Variants in SIN3A observed in about 807,000 individuals in gnomAD.
SIN3A encodes the protein paired amphipathic helix protein Sin3a.
A neutral mutation model predicts 146.1 loss-of-function variants in SIN3A; 14 were observed. That is an observed-to-expected ratio of 0.10 (90% CI 0.06 to 0.15). The LOEUF (loss-of-function observed/expected upper bound fraction) is 0.15, where lower values mean the gene tolerates loss of function less well. Ranked by LOEUF, SIN3A falls within the 10% of genes least tolerant of loss-of-function variation. The pLI is 1.00. For missense variants in SIN3A, 1,028 were observed against 1,576.0 expected, an observed-to-expected ratio of 0.65 and a Z score of 5.89; for synonymous variants, 572 against 572.0, an observed-to-expected ratio of 1.00 and a Z score of 0.00.
intron 6 of SIN3A, 54 bp downstream of exon 6, chr15:75,411,438 T>C (rs1461931523): frequency 4.6e-6 from 7 of 1,535,606 alleles, no homozygotes; most frequent in African/African-American, 1.4e-5. Flanking sequence ...GTTATTGGAC[T>C]AGATGCCCTA....
intron 2 of SIN3A, among the ~76,000 whole-genome samples, chr15:75,426,203 C>T (rs1312598865): frequency 6.6e-6 from 1 of 152,128 alleles, no homozygotes; most frequent in African/African-American, 2.4e-5. Flanking sequence ...GGTAAACAAG[C>T]AACTTTTTTT....
upstream of SIN3A, among the ~76,000 whole-genome samples, chr15:75,452,636 G>A (rs1244770624): frequency 6.6e-6 from 1 of 152,194 alleles, no homozygotes; most frequent in Admixed American, 6.5e-5. Context: ...CTAAGAGGGC[G>A]GAGATAACCA....
In SIN3A at chr15:75,372,027, G is replaced by A. The variant is rs202234485; in HGVS notation, c.3774C>T (p.Ser1258=). ...TCDTETLHFV[S]INKYRVKYGT... Reference sequence around the variant, plus strand: ...CGTATTTGACACGATACTTGTTAATGCTCACAAAATGCAGGGTCTCTGTAT... The same window carrying A: ...CGTATTTGACACGATACTTGTTAATACTCACAAAATGCAGGGTCTCTGTAT... The change falls in exon 21 of 21, where the codon AGC becomes AGT. Residue 1258 remains serine, a synonymous_variant. Transcript: ENST00000394947. 6.8e-6 allele frequency: 11 copies of A among 1,614,172 alleles called. No homozygotes were observed. Among genetic ancestry groups the A allele is most frequent in the Non-Finnish European group, 9.3e-6 (11 of 1,180,034 alleles).
chr15:75,384,180 C>T, intron 17 of SIN3A, 84 bp downstream of exon 17: 7 of 1,130,784 alleles, frequency 6.2e-6, no homozygotes, highest in Non-Finnish European at 7.6e-6. Flanking sequence ...GGTCAAAGTA[C>T]CCCGGCTTTA....
At chr15:75,441,768 ATCT>A (rs752653021) in intron 1 of SIN3A, among the ~76,000 whole-genome samples, 24 of 152,168 alleles carry the variant, frequency 1.6e-4, no homozygotes, top group Non-Finnish European at 3.2e-4. Context: ...GAGAACAGTC[ATCT>A]TCTTTGCTCC....
At chr15:75,410,657 A>G (rs1389686769) in intron 6 of SIN3A, among the ~76,000 whole-genome samples, 2 of 152,078 alleles carry the variant, frequency 1.3e-5, no homozygotes, top group Admixed American at 6.6e-5. Context: ...AAACCTTAGA[A>G]ATTTCTCCTC....
chr15:75,376,155 T>C, intron 19 of SIN3A: 1 of 485,394 alleles, frequency 2.1e-6, no homozygotes, highest in Non-Finnish European at 3.7e-6. Context: ...AATTTACACA[T>C]GTAATTACCA....
intron 19 of SIN3A, among the ~76,000 whole-genome samples, chr15:75,380,022 C>CTA (rs2072935611): frequency 6.6e-6 from 1 of 152,180 alleles, no homozygotes; most frequent in South Asian, 2.1e-4. Flanking sequence ...TGTACAAACT[C>CTA]TATAGCTTAT....
intron 19 of SIN3A, chr15:75,376,151 C>T: frequency 2.0e-6 from 1 of 496,306 alleles, no homozygotes; most frequent in Non-Finnish European, 3.6e-6. Context: ...TGTAAATTTA[C>T]ACATGTAATT....
In SIN3A at chr15:75,430,244, C is replaced by T. The variant is rs960649826; in HGVS notation, c.132G>A (p.Val44=). Residue 44 remains valine, a synonymous_variant, in exon 2 of 21, where the codon GTG becomes GTA. Transcript: ENST00000394947. ...CCGTAGCTGACTGCATGGTCTCAGA[C>T]ACTGCTTCATACACAGGAGGGGCAG... ...LAPAPPVYEA[V]SETMQSATGI... 6.2e-7 allele frequency: 1 copy of T among 1,614,192 alleles called. No individual in the cohort carries two copies. Among genetic ancestry groups the T allele is most frequent in the Non-Finnish European group, 8.5e-7 (1 of 1,180,052 alleles).
At chr15:75,416,350 A>T (rs117588028) in intron 3 of SIN3A, among the ~76,000 whole-genome samples, 8,614 of 152,182 alleles carry the variant, frequency 0.057, 331 homozygotes, top group Non-Finnish European at 0.087. Context: ...TTAGAGACAG[A>T]GTTTTGCTAT....
At chr15:75,405,584 C>T (rs1483207644) in intron 9 of SIN3A, among the ~76,000 whole-genome samples, 1 of 151,878 alleles carries the variant, frequency 6.6e-6, no homozygotes, top group Admixed American at 6.6e-5. Context: ...AACCCTGTCT[C>T]TACTAAAAAT....
intron 9 of SIN3A, 82 bp from the exon 10 acceptor site, chr15:75,402,052 G>C (rs2073421606): frequency 1.2e-6 from 1 of 845,288 alleles, no homozygotes; most frequent in African/African-American, 1.7e-5. Flanking sequence ...TGTCGCCCAG[G>C]AGGAGGCGCA....
In SIN3A at chr15:75,374,155, T is replaced by A. The variant is rs184621500; in HGVS notation, c.3591+1510A>T. On this transcript the variant is annotated intron_variant, in intron 20 of 20. Coordinates refer to ENST00000394947, the MANE Select transcript of SIN3A (RefSeq NM_001145358.2). ...CCATCCTTGATGTCCTTCTTTTGCT[T>A]ACCCCCACATTTGATCCAACACCAT... Among the ~76,000 whole-genome samples the A allele has an allele frequency of 1.4e-3, 220 of 152,302 alleles. 1 individual carries two copies. Among genetic ancestry groups the A allele is most frequent in the African/African-American group, 5.1e-3 (210 of 41,562 alleles).
chr15:75,375,595 G>T, intron 20 of SIN3A, 70 bp downstream of exon 20: 1 of 1,213,168 alleles, frequency 8.2e-7, no homozygotes, highest in Non-Finnish European at 1.2e-6. Flanking sequence ...ACAATCAGAA[G>T]ACTCTGGGCC....
At chr15:75,416,929 TTG>T (rs2073748608) in intron 3 of SIN3A, among the ~76,000 whole-genome samples, 1 of 152,174 alleles carries the variant, frequency 6.6e-6, no homozygotes, top group South Asian at 2.1e-4. Flanking sequence ...CAGGGTTGGC[TTG>T]TGAAAAGTTG....
At chr15:75,404,483 G>A (rs1300531865) in intron 9 of SIN3A, among the ~76,000 whole-genome samples, 1 of 152,196 alleles carries the variant, frequency 6.6e-6, no homozygotes, top group Non-Finnish European at 1.5e-5. Context: ...TTACAGGACT[G>A]GGTGCAGTGG....
intron 10 of SIN3A, 76 bp downstream of exon 10, chr15:75,401,776 A>G (rs1301480874): frequency 5.6e-6 from 5 of 900,398 alleles, no homozygotes; most frequent in Non-Finnish European, 9.1e-6. Context: ...AACTTTGCCT[A>G]TCATATACTC....
Position 75,435,800 on chromosome 15 carries a change from G to A in SIN3A, c.-33-5392C>T, listed in dbSNP as rs543781867. Among the ~76,000 whole-genome samples the A allele has an allele frequency of 2.9e-4, 44 of 151,850 alleles. No individual in the cohort carries two copies. In the South Asian group the frequency reaches 9.1e-3, roughly 32 times the overall value. On this transcript the variant is annotated intron_variant, in intron 1 of 20. Coordinates refer to ENST00000394947, the MANE Select transcript of SIN3A (RefSeq NM_001145358.2). The stretch of plus-strand genomic sequence containing the variant: ...CACATACAAAATGTACTAAAGATTT[G>A]TACATTTCATTGTATGTAAAATTTG...
Sources: gnomAD v4.1 joint callset for allele counts (sites outside exome capture counted in the v4.1 genomes callset) on GRCh38, gnomAD v4.1.1 for gene constraint, MANE v1.5 for transcripts, NCBI Gene and HGNC (gene_info 2026-07-23, HGNC 2026-07-21) for gene names.